Variants in AGMO observed in about 807,000 individuals in gnomAD.
The protein encoded by AGMO is alkylglycerol monooxygenase.
A neutral mutation model predicts 60.2 loss-of-function variants in AGMO; 75 were observed. That is an observed-to-expected ratio of 1.25 (90% CI 1.03 to 1.51). The LOEUF (loss-of-function observed/expected upper bound fraction) is 1.51, where lower values mean the gene tolerates loss of function less well. Among genes scored for constraint, AGMO ranks in the 40% most tolerant of loss-of-function variants. The pLI is 0.00. For synonymous variants in AGMO, 261 were observed against 177.1 expected (o/e 1.47, Z -3.76); for missense variants, 763 against 525.5 (o/e 1.45, Z -4.42).
intron 3 of AGMO, among the ~76,000 whole-genome samples, chr7:15,451,687 A>C (rs796389425): frequency 6.6e-6 from 1 of 152,326 alleles, no homozygotes; most frequent in African/African-American, 2.4e-5. Context: ...GAGTGATAAA[A>C]GAAAAACTTC....
chr7:15,532,821 T>A (rs754162001), intron 3 of AGMO, among the ~76,000 whole-genome samples: 1 of 151,986 alleles, frequency 6.6e-6, no homozygotes, highest in Non-Finnish European at 1.5e-5. Context: ...TGAGACCCCA[T>A]CTCTACAAAA....
At chr7:15,425,863 A>T (rs181883816) in intron 4 of AGMO, among the ~76,000 whole-genome samples, 21 of 152,330 alleles carry the variant, frequency 1.4e-4, no homozygotes, top group African/African-American at 4.6e-4. Context: ...AGAACATAGC[A>T]ATTTTAAAGG....
intron 12 of AGMO, among the ~76,000 whole-genome samples, chr7:15,329,085 CCTCT>C (rs1325996769): frequency 7.2e-5 from 11 of 152,278 alleles, no homozygotes; most frequent in African/African-American, 2.6e-4. Flanking sequence ...TATCCTTTCC[CCTCT>C]CTTTGTTGTC....
chr7:15,354,416 G>A (rs1387663152), intron 12 of AGMO, among the ~76,000 whole-genome samples: 65 of 19,744 alleles, frequency 3.3e-3, no homozygotes, highest in African/African-American at 0.03. Context: ...ACACACGTGT[G>A]TGTATACACA....
downstream of AGMO, among the ~76,000 whole-genome samples, chr7:15,198,243 GA>G (rs1781181082): frequency 1.0e-5 from 1 of 98,662 alleles, no homozygotes; most frequent in East Asian, 2.4e-4. Flanking sequence ...GAGAGAGAGA[GA>G]GAGAGAGAGA....
chr7:15,379,562 A>G (rs922043476), intron 10 of AGMO, among the ~76,000 whole-genome samples: 3 of 151,980 alleles, frequency 2.0e-5, no homozygotes, highest in Admixed American at 1.3e-4. Flanking sequence ...GGAAGATATT[A>G]AAACCCTAAA....
At chr7:15,161,660 A>G in the AGMO span, among the ~76,000 whole-genome samples, 3 of 151,312 alleles carry the variant, frequency 2.0e-5, no homozygotes, top group Non-Finnish European at 4.4e-5. Context: ...TATATAATCC[A>G]TATATGGATT....
intron 5 of AGMO, chr7:15,395,970 A>AT (rs1363793473): frequency 2.6e-5 from 4 of 152,314 alleles, no homozygotes; most frequent in African/African-American, 9.6e-5. Context: ...ATGTTGCCAC[A>AT]TATCAAAGCG....
chr7:15,393,173 T>G (rs144521083), intron 6 of AGMO, among the ~76,000 whole-genome samples: 2,915 of 152,336 alleles, frequency 0.019, 41 homozygotes, highest in Non-Finnish European at 0.03. Flanking sequence ...AAACCGCCTG[T>G]GCCCTCTGAT....
chr7:15,531,269 T>A (rs1458130949), intron 3 of AGMO, among the ~76,000 whole-genome samples: 2 of 99,502 alleles, frequency 2.0e-5, no homozygotes, highest in Admixed American at 1.5e-4. Flanking sequence ...TCTATATATA[T>A]TCTCTATATA....
intron 12 of AGMO, among the ~76,000 whole-genome samples, chr7:15,223,709 G>GAGAGAC (rs1781988689): frequency 1.3e-5 from 2 of 151,920 alleles, no homozygotes; most frequent in African/African-American, 4.8e-5. Context: ...ACAATGCATA[G>GAGAGAC]TCTCTGAAGT....
At position 15,561,813 on chromosome 7, in the gene AGMO, T is replaced by G. The variant is rs185695028; in HGVS notation, c.33A>C (p.Ser11=). The G allele has an allele frequency of 1.1e-4, 176 of 1,609,792 alleles. No homozygotes were observed. Among genetic ancestry groups the G allele is most frequent in the Admixed American group, 5.5e-4 (33 of 59,714 alleles). Reference sequence around the variant, plus strand: ...ACAACATGCGAAATCCCTGGGAAACTGAAACATCCTGCTGGGCTTCTGGGT... The same window carrying G: ...ACAACATGCGAAATCCCTGGGAAACGGAAACATCCTGCTGGGCTTCTGGGT... MKNPEAQQDV[S]VSQGFRMLFY... The change falls in exon 1 of 13, where the codon TCA becomes TCC. Residue 11 remains serine, a synonymous_variant. Transcript: ENST00000342526.
intron 12 of AGMO, among the ~76,000 whole-genome samples, chr7:15,349,748 T>C (rs1373970344): frequency 6.6e-6 from 1 of 152,082 alleles, no homozygotes; most frequent in Non-Finnish European, 1.5e-5. Context: ...GCAGAAGGCA[T>C]CTCTTCACAG....
intron 12 of AGMO, among the ~76,000 whole-genome samples, chr7:15,336,415 T>A (rs776396966): frequency 6.7e-6 from 1 of 148,784 alleles, no homozygotes. Context: ...TGACTCAATA[T>A]GGCAAAAAAA....
intron 12 of AGMO, among the ~76,000 whole-genome samples, chr7:15,263,465 T>C (rs1479905067): frequency 1.3e-5 from 2 of 152,036 alleles, no homozygotes; most frequent in African/African-American, 4.8e-5. Context: ...TTTTATACTG[T>C]TGGTGGGAAT....
chr7:15,311,039 A>G (rs1184702000), intron 12 of AGMO, among the ~76,000 whole-genome samples: 2 of 152,180 alleles, frequency 1.3e-5, no homozygotes, highest in African/African-American at 2.4e-5. Context: ...TGATCTCCAC[A>G]TCTCAAGGTC....
At chr7:15,422,322 A>G (rs1780947968) in intron 4 of AGMO, among the ~76,000 whole-genome samples, 1 of 152,058 alleles carries the variant, frequency 6.6e-6, no homozygotes, top group African/African-American at 2.4e-5. Context: ...TGGCTTATTC[A>G]GAAGGAGCCA....
At chr7:15,136,700 G>A in the AGMO span, among the ~76,000 whole-genome samples, 4 of 151,768 alleles carry the variant, frequency 2.6e-5, no homozygotes. Flanking sequence ...TGCTGTATAC[G>A]GCAGCAATTA....
intron 12 of AGMO, among the ~76,000 whole-genome samples, chr7:15,312,282 C>A (rs1220191336): frequency 6.6e-6 from 1 of 151,898 alleles, no homozygotes; most frequent in Non-Finnish European, 1.5e-5. Context: ...AGATGAATTC[C>A]AAGCATGATA....
Sources: gnomAD v4.1 joint callset for allele counts (sites outside exome capture counted in the v4.1 genomes callset) on GRCh38, gnomAD v4.1.1 for gene constraint, MANE v1.5 for transcripts, NCBI Gene and HGNC (gene_info 2026-07-23, HGNC 2026-07-21) for gene names.